GPM6A: variants seen among roughly 807,000 people sequenced by gnomAD.
The protein encoded by GPM6A is neuronal membrane glycoprotein M6-a.
Under a neutral mutation model 32.1 loss-of-function variants are expected in GPM6A, and 7 were observed. The observed-to-expected ratio is 0.22, with a 90% CI of 0.12 to 0.41. The LOEUF is 0.41. Ranked by LOEUF, GPM6A falls within the 10% of genes least tolerant of loss-of-function variation. The pLI, the probability that GPM6A is intolerant of heterozygous loss-of-function variation, is 1.00. For missense variants in GPM6A, 235 were observed against 347.2 expected (o/e 0.68, Z 2.57); for synonymous variants, 130 against 123.4 (o/e 1.05, Z -0.35).
In GPM6A at chr4:175,839,865, C is replaced by T. The variant is rs189049645; in HGVS notation, c.-22-27616G>A. ...TTATCAAAAGAATTTATAGGAGATCCTAGCTAATAATATTACTCTACCATG... is the reference window on the plus strand; with the variant it reads ...TTATCAAAAGAATTTATAGGAGATCTTAGCTAATAATATTACTCTACCATG... On this transcript the variant is annotated intron_variant, in intron 1 of 7. Coordinates refer to the GPM6A transcript ENST00000280187. Among the ~76,000 whole-genome samples, 361 of 152,132 alleles carry T rather than the reference C, an allele frequency of 2.4e-3. 1 individual carries two copies. Among genetic ancestry groups the T allele is most frequent in the African/African-American group, 8.3e-3 (344 of 41,518 alleles).
At chr4:175,817,023 A>AT (rs1330954625), upstream of GPM6A, among the ~76,000 whole-genome samples, 10 of 151,604 alleles carry the variant, frequency 6.6e-5, 1 homozygote, top group Non-Finnish European at 8.8e-5. Context: ...CGCCCGGCTA[A>AT]TTTTTTTTGT....
At chr4:175,720,878 T>C (rs893339520) in intron 1 of GPM6A, among the ~76,000 whole-genome samples, 24 of 151,906 alleles carry the variant, frequency 1.6e-4, no homozygotes, top group African/African-American at 5.8e-4. Context: ...AGAAAGATAG[T>C]CATTTCTGCA....
At chr4:175,876,049 C>A (rs1229444523) in intron 1 of GPM6A, among the ~76,000 whole-genome samples, 2 of 152,180 alleles carry the variant, frequency 1.3e-5, no homozygotes, top group Admixed American at 1.3e-4. Context: ...AGTCAGATAA[C>A]CTTTTTTGTC....
chr4:175,981,691 C>A (rs185053921), intron 1 of GPM6A, among the ~76,000 whole-genome samples: 1 of 152,080 alleles, frequency 6.6e-6, no homozygotes, highest in Non-Finnish European at 1.5e-5. Flanking sequence ...TATAAACCTG[C>A]GCTTAACAGA....
At chr4:175,755,865 C>T (rs755233391) in intron 1 of GPM6A, among the ~76,000 whole-genome samples, 12 of 152,098 alleles carry the variant, frequency 7.9e-5, no homozygotes, top group African/African-American at 2.2e-4. Context: ...GTGACTACAA[C>T]GATCTCAGGA....
intron 1 of GPM6A, among the ~76,000 whole-genome samples, chr4:175,803,698 G>A (rs1734568984): frequency 6.6e-6 from 1 of 152,122 alleles, no homozygotes; most frequent in African/African-American, 2.4e-5. Flanking sequence ...AGAAAATGAA[G>A]GTGGAGAAAA....
intron 1 of GPM6A, among the ~76,000 whole-genome samples, chr4:175,785,026 C>T (rs557673384): frequency 5.7e-4 from 87 of 152,250 alleles, no homozygotes; most frequent in African/African-American, 2.0e-3. Flanking sequence ...ATCTAATTCC[C>T]CCTCCTTGAA....
At chr4:175,905,636 C>T (rs1483435563) in intron 1 of GPM6A, among the ~76,000 whole-genome samples, 1 of 152,094 alleles carries the variant, frequency 6.6e-6, no homozygotes, top group Admixed American at 6.6e-5. Flanking sequence ...TCAATGTTTA[C>T]TGTTTCTCAG....
At chr4:175,890,536 C>T (rs866172496) in intron 1 of GPM6A, among the ~76,000 whole-genome samples, 1 of 138,220 alleles carries the variant, frequency 7.2e-6, no homozygotes. Flanking sequence ...TTATGTTATG[C>T]TATGTTTTTA....
intron 1 of GPM6A, among the ~76,000 whole-genome samples, chr4:175,831,878 C>A (rs1418859889): frequency 6.6e-6 from 1 of 151,754 alleles, no homozygotes; most frequent in Non-Finnish European, 1.5e-5. Context: ...GCCACCACAC[C>A]CGGCTAATTT....
intron 1 of GPM6A, among the ~76,000 whole-genome samples, chr4:175,833,171 G>A (rs1467704072): frequency 6.6e-6 from 1 of 152,088 alleles, no homozygotes; most frequent in East Asian, 1.9e-4. Context: ...TTAACAAAAA[G>A]CAAAAATATC....
chr4:175,905,363 T>C (rs1738097226), intron 1 of GPM6A, among the ~76,000 whole-genome samples: 1 of 152,012 alleles, frequency 6.6e-6, no homozygotes, highest in Non-Finnish European at 1.5e-5. Context: ...TCTTAAAAGG[T>C]TCTAAGTTTT....
chr4:175,945,457 C>T (rs1046420978), intron 1 of GPM6A, among the ~76,000 whole-genome samples: 5 of 151,840 alleles, frequency 3.3e-5, no homozygotes, highest in African/African-American at 9.7e-5. Flanking sequence ...CTAAGTAATA[C>T]GCACCCATAT....
chr4:175,939,475 G>A (rs1029703211), intron 1 of GPM6A, among the ~76,000 whole-genome samples: 1 of 152,064 alleles, frequency 6.6e-6, no homozygotes, highest in African/African-American at 2.4e-5. Flanking sequence ...ATTTACATTT[G>A]CTGCCAGACA....
At chr4:175,832,942 C>T (rs11133116) in intron 1 of GPM6A, among the ~76,000 whole-genome samples, 76,727 of 151,926 alleles carry the variant, frequency 0.51, 20,155 homozygotes, top group South Asian at 0.66. Context: ...TTCTGCACTG[C>T]GAAGCCATCA....
chr4:175,686,089 G>C (rs972613861), intron 2 of GPM6A, among the ~76,000 whole-genome samples: 1 of 152,134 alleles, frequency 6.6e-6, no homozygotes, highest in Non-Finnish European at 1.5e-5. Context: ...TGTGCCTCCA[G>C]TAAAACTACA....
intron 1 of GPM6A, among the ~76,000 whole-genome samples, chr4:175,954,820 C>T (rs888536147): frequency 6.6e-6 from 1 of 152,138 alleles, no homozygotes; most frequent in East Asian, 1.9e-4. Context: ...AGAACTTTAC[C>T]CTGGCTGCCT....
intron 1 of GPM6A, among the ~76,000 whole-genome samples, chr4:175,991,848 G>T (rs1741154802): frequency 6.6e-6 from 1 of 151,840 alleles, no homozygotes; most frequent in African/African-American, 2.4e-5. Flanking sequence ...AACCATGATG[G>T]TCATTTTTAC....
chr4:175,799,036 C>T (rs1734353243), intron 1 of GPM6A, among the ~76,000 whole-genome samples: 1 of 152,164 alleles, frequency 6.6e-6, no homozygotes, highest in African/African-American at 2.4e-5. Flanking sequence ...ATACGTAGTG[C>T]TTAAAATATA....
Sources: allele counts gnomAD v4.1 joint callset (sites outside exome capture counted in the v4.1 genomes callset), GRCh38; gene constraint gnomAD v4.1.1; transcripts MANE v1.5; gene names NCBI Gene and HGNC (gene_info 2026-07-23, HGNC 2026-07-21).